The following LYPD6 variants were observed in gnomAD, a reference collection of about 807,000 sequenced individuals.
The protein encoded by LYPD6 is LY6/PLAUR domain containing 6.
LYPD6 carries 15 observed loss-of-function variants against 22.7 expected under a neutral mutation model. The observed-to-expected ratio is 0.66, with a 90% CI of 0.44 to 1.02. LYPD6 has a LOEUF of 1.02. LYPD6 is among the 50% of genes least tolerant of loss of function. The pLI, the probability that LYPD6 is intolerant of heterozygous loss-of-function variation, is 0.00. For missense variants in LYPD6, 189 were observed against 208.4 expected (o/e 0.91, Z 0.57); for synonymous variants, 72 against 77.5 (o/e 0.93, Z 0.37).
intron 1 of LYPD6, among the ~76,000 whole-genome samples, chr2:149,419,078 C>T (rs775414448): frequency 1.9e-4 from 29 of 152,158 alleles, no homozygotes; most frequent in Non-Finnish European, 3.2e-4. Flanking sequence ...GGGTAATTGA[C>T]GGAGTCAAAT....
chr2:149,431,072 A>G (rs1452131048), intron 1 of LYPD6, among the ~76,000 whole-genome samples: 1 of 152,176 alleles, frequency 6.6e-6, no homozygotes, highest in Non-Finnish European at 1.5e-5. Flanking sequence ...TAAAACCAGC[A>G]GTTGAGTAAC....
At chr2:149,445,929 T>C (rs910895689) in intron 2 of LYPD6, among the ~76,000 whole-genome samples, 24 of 152,220 alleles carry the variant, frequency 1.6e-4, no homozygotes, top group African/African-American at 5.5e-4. Flanking sequence ...GCTTTCAACA[T>C]GCCTTCCTCA....
At chr2:149,349,324 T>C (rs1681317531) in intron 1 of LYPD6, among the ~76,000 whole-genome samples, 1 of 152,124 alleles carries the variant, frequency 6.6e-6, no homozygotes, top group South Asian at 2.1e-4. Context: ...TCCATTATTA[T>C]TTGCTGTAGG....
intron 1 of LYPD6, among the ~76,000 whole-genome samples, chr2:149,389,078 GGAAA>G (rs1391147252): frequency 1.3e-5 from 2 of 152,098 alleles, no homozygotes; most frequent in East Asian, 3.9e-4. Flanking sequence ...TGACTTTAGG[GGAAA>G]GAAAGAGTGA....
rs538049307 is a variant in LYPD6, at chr2:149,449,117, C to T, written c.187C>T (p.Arg63Ter). The T allele has an allele frequency of 1.1e-5, 18 of 1,613,082 alleles. No homozygotes were observed. The highest frequency in any genetic ancestry group is 5.5e-5 in the South Asian group (5 of 90,856). The change falls in exon 3 of 5, where the codon CGA becomes TGA. Residue 63 changes from arginine to a stop codon, truncating the protein, a stop_gained. Transcript: ENST00000334166. LOFTEE classifies it high-confidence loss of function. ...EKAADNYECN[R>*]WAPDIYCPRE... ...GGCAGCAGACAATTATGAGTGCAACCGATGGGCTCCAGACATCTACTGCCC... is the reference window on the plus strand; with the variant it reads ...GGCAGCAGACAATTATGAGTGCAACTGATGGGCTCCAGACATCTACTGCCC...
intron 1 of LYPD6, among the ~76,000 whole-genome samples, chr2:149,432,160 A>G (rs896871381): frequency 6.6e-6 from 1 of 152,192 alleles, no homozygotes; most frequent in Non-Finnish European, 1.5e-5. Context: ...GCTGATGAGA[A>G]TGTAAAATGG....
At chr2:149,336,012 A>C (rs973623898) in intron 1 of LYPD6, among the ~76,000 whole-genome samples, 1 of 152,192 alleles carries the variant, frequency 6.6e-6, no homozygotes, top group East Asian at 1.9e-4. Flanking sequence ...ATACATGACT[A>C]TATGTTTGTT....
chr2:149,408,806 T>A (rs957475072), intron 1 of LYPD6, among the ~76,000 whole-genome samples: 4 of 152,202 alleles, frequency 2.6e-5, no homozygotes, highest in African/African-American at 2.4e-5. Context: ...AATTTTCCTT[T>A]TATATCCCGT....
At chr2:149,369,787 A>C (rs935076689) in intron 1 of LYPD6, among the ~76,000 whole-genome samples, 1 of 152,234 alleles carries the variant, frequency 6.6e-6, no homozygotes, top group Admixed American at 6.5e-5. Context: ...CTGTGAGTCC[A>C]TGACTTTGAG....
At chr2:149,383,326 A>G (rs1462348898) in intron 1 of LYPD6, among the ~76,000 whole-genome samples, 2 of 152,196 alleles carry the variant, frequency 1.3e-5, no homozygotes, top group Non-Finnish European at 2.9e-5. Flanking sequence ...TCTTACTAGG[A>G]TAAACTTAAC....
intron 1 of LYPD6, among the ~76,000 whole-genome samples, chr2:149,395,196 C>T (rs577586926): frequency 4.6e-5 from 7 of 152,016 alleles, no homozygotes; most frequent in Non-Finnish European, 1.5e-5. Flanking sequence ...CACCTTGTCA[C>T]GTAGAAGCTT....
chr2:149,383,951 T>C (rs1412157802), intron 1 of LYPD6, among the ~76,000 whole-genome samples: 1 of 152,220 alleles, frequency 6.6e-6, no homozygotes, highest in Non-Finnish European at 1.5e-5. Context: ...AGTCTTCCTT[T>C]GGTGTTAATA....
At chr2:149,438,565 G>T (rs1354324537) in intron 2 of LYPD6, among the ~76,000 whole-genome samples, 1 of 152,182 alleles carries the variant, frequency 6.6e-6, no homozygotes, top group Non-Finnish European at 1.5e-5. Flanking sequence ...CTGACCTTCG[G>T]CTTTTGCCCC....
At chr2:149,465,462 C>A (rs1681179297) in intron 3 of LYPD6, among the ~76,000 whole-genome samples, 1 of 152,132 alleles carries the variant, frequency 6.6e-6, no homozygotes, top group African/African-American at 2.4e-5. Context: ...AAGTATTTTC[C>A]TCCCATTAAT....
intron 3 of LYPD6, among the ~76,000 whole-genome samples, chr2:149,461,034 A>G (rs1363328848): frequency 3.3e-5 from 5 of 152,068 alleles, no homozygotes; most frequent in South Asian, 2.1e-4. Context: ...AGGAAAATCA[A>G]TTCTCTAAGC....
intron 1 of LYPD6, among the ~76,000 whole-genome samples, chr2:149,397,219 T>C (rs2105104697): frequency 6.6e-6 from 1 of 152,324 alleles, no homozygotes; most frequent in Middle Eastern, 3.4e-3. Context: ...TGGGTTTAGC[T>C]GGGCAGTTCT....
chr2:149,403,535 A>G (rs1682614857), intron 1 of LYPD6, among the ~76,000 whole-genome samples: 1 of 142,944 alleles, frequency 7.0e-6, no homozygotes, highest in South Asian at 2.2e-4. Context: ...TCTTCTTTTG[A>G]GAAGTGTCTG....
At chr2:149,370,950 A>C (rs1377125888) in intron 1 of LYPD6, among the ~76,000 whole-genome samples, 1 of 152,200 alleles carries the variant, frequency 6.6e-6, no homozygotes, top group East Asian at 1.9e-4. Flanking sequence ...ACAACAGAGT[A>C]AGACCCTGTC....
intron 2 of LYPD6, among the ~76,000 whole-genome samples, chr2:149,445,584 A>G (rs73964430): frequency 0.019 from 2,890 of 152,280 alleles, 102 homozygotes; most frequent in African/African-American, 0.066. Flanking sequence ...TTATGATTTT[A>G]TGTTATGGAA....
Sources: allele counts gnomAD v4.1 joint callset (sites outside exome capture counted in the v4.1 genomes callset), GRCh38; gene constraint gnomAD v4.1.1; transcripts MANE v1.5; gene names NCBI Gene and HGNC (gene_info 2026-07-23, HGNC 2026-07-21).